Variants in SLC26A8 observed in about 807,000 individuals in gnomAD.
The protein encoded by SLC26A8 is solute carrier family 26 member 8, also known as testis anion transporter 1.
SLC26A8 carries 70 observed loss-of-function variants against 105.0 expected under a neutral mutation model. The observed-to-expected ratio is 0.67, with a 90% CI of 0.55 to 0.81. SLC26A8 has a LOEUF of 0.81. SLC26A8 is among the 40% of genes least tolerant of loss of function. SLC26A8 has a pLI of 0.00. For synonymous variants in SLC26A8, 415 were observed against 438.3 expected, an observed-to-expected ratio of 0.95 and a Z score of 0.66; for missense variants, 998 against 1,181.8, an observed-to-expected ratio of 0.84 and a Z score of 2.28.
intron 10 of SLC26A8, among the ~76,000 whole-genome samples, chr6:35,970,345 T>C (rs1452841360): frequency 6.6e-6 from 1 of 152,228 alleles, no homozygotes; most frequent in African/African-American, 2.4e-5. Context: ...TCCTGCTTCT[T>C]TCTTTCCCCA....
chr6:35,957,178 C>T (rs1772105014), intron 16 of SLC26A8, among the ~76,000 whole-genome samples: 1 of 151,976 alleles, frequency 6.6e-6, no homozygotes, highest in South Asian at 2.1e-4. Context: ...GCCAAGGTCG[C>T]ACCATCCCAC....
chr6:35,992,513 G>C lies in SLC26A8; in HGVS notation c.789C>G (p.Phe263Leu). ...ISFHAGPISF[F>L]YDIINYCVAL... is the part of the protein sequence containing the mutation. The stretch of plus-strand genomic sequence containing the variant: ...GGTAAGAGTTGAAATTACTCACATA[G>C]AAGAAGGAGATGGGACCGGCATGGA... Residue 263 changes from phenylalanine (F) to leucine (L), a missense_variant, in exon 6 of 20, where the codon TTC (phenylalanine) becomes TTG (leucine). Physicochemically the swap from Phe to Leu is conservative, Grantham distance 22 (BLOSUM62 0). Coordinates refer to ENST00000490799, the MANE Select transcript of SLC26A8 (RefSeq NM_052961.4). The C allele has an allele frequency of 6.2e-7, 1 of 1,610,900 alleles. No individual in the cohort carries two copies. The highest frequency in any genetic ancestry group is 8.5e-7 in the Non-Finnish European group (1 of 1,178,768).
intron 7 of SLC26A8, among the ~76,000 whole-genome samples, chr6:35,988,070 C>T (rs1773599812): frequency 6.6e-6 from 1 of 151,910 alleles, no homozygotes; most frequent in Non-Finnish European, 1.5e-5. Context: ...GCCACCATGC[C>T]CGGCTAATTT....
intron 2 of SLC26A8, among the ~76,000 whole-genome samples, chr6:36,012,819 G>A (rs1285932041): frequency 6.6e-6 from 1 of 152,220 alleles, no homozygotes; most frequent in Non-Finnish European, 1.5e-5. Context: ...ATGGACTGCT[G>A]TTGTTTTCTT....
At chr6:36,019,775 T>G in intron 1 of SLC26A8, 66 bp from the exon 2 acceptor site, 1 of 1,398,460 alleles carries the variant, frequency 7.2e-7, no homozygotes, top group Non-Finnish European at 9.5e-7. Context: ...GGCATATTTT[T>G]AAGGAAATAA....
intron 5 of SLC26A8, among the ~76,000 whole-genome samples, chr6:35,993,480 T>A (rs1472233249): frequency 6.6e-6 from 1 of 152,074 alleles, no homozygotes; most frequent in Non-Finnish European, 1.5e-5. Context: ...AATAATTAAA[T>A]TGAATTTATT....
chr6:36,009,079 G>A (rs567903186), intron 3 of SLC26A8, among the ~76,000 whole-genome samples: 14 of 152,070 alleles, frequency 9.2e-5, no homozygotes, highest in Non-Finnish European at 1.5e-4. Flanking sequence ...GAGGCCAGGC[G>A]CTGTGGCTCT....
In SLC26A8 at chr6:35,968,607, GTGTATATATATATATATATATATA is replaced by G. The variant is rs1432702528; in HGVS notation, c.1365+246_1365+269del. Among the ~76,000 whole-genome samples the G allele has an allele frequency of 2.0e-3, 92 of 47,040 alleles. 1 individual carries two copies. Among genetic ancestry groups the G allele is most frequent in the South Asian group, 2.1e-3 (3 of 1,422 alleles). 30.9% of individuals were successfully genotyped at this position (47,040 alleles called of 152,430 possible). On this transcript the variant is annotated intron_variant, in intron 11 of 19. Transcript: ENST00000490799. ...TGTGTGTATGTGTGTGTGTGTGTGT[GTGTATATATATATATATATATATA>G]TATATATATATATATATATATATCT...
At chr6:35,960,665 A>C in intron 14 of SLC26A8, 178 bp downstream of exon 14, 1 of 628,040 alleles carries the variant, frequency 1.6e-6, no homozygotes, top group Admixed American at 3.1e-5. Context: ...TCTGTCTCCA[A>C]AAAAAAAAAT....
intron 1 of SLC26A8, 99 bp from the exon 2 acceptor site, chr6:36,019,808 A>G: frequency 9.2e-7 from 1 of 1,085,540 alleles, no homozygotes; most frequent in Non-Finnish European, 1.3e-6. Flanking sequence ...ATAATGTTTT[A>G]CACTTGCATA....
rs1771869592 is a variant in SLC26A8, at chr6:35,951,452, C to T, written c.2280G>A (p.Gly760=). The T allele has an allele frequency of 6.2e-7, 1 of 1,614,094 alleles. No homozygotes were observed. Among genetic ancestry groups the T allele is most frequent in the Non-Finnish European group, 8.5e-7 (1 of 1,180,014 alleles). ...QNANILILIA[G]CHSSIVRAFE... Reference sequence around the variant, plus strand: ...AGGGTGAAGGATACTCACAGTGACACCCTGCAATGAGTATCAAAATGTTGG... The same window carrying T: ...AGGGTGAAGGATACTCACAGTGACATCCTGCAATGAGTATCAAAATGTTGG... Residue 760 remains glycine, a synonymous_variant, in exon 18 of 20, where the codon GGG becomes GGA. Coordinates refer to ENST00000490799, the MANE Select transcript of SLC26A8 (RefSeq NM_052961.4).
rs557148794 is a variant in SLC26A8 at position 35,998,504 on chromosome 6, G to A, written c.446-585C>T. On this transcript the variant is annotated intron_variant, in intron 4 of 19. Transcript: ENST00000490799. ...CAGGAGGCAGAGGTTGCAGTGAGTC[G>A]AGATGGCACGATTGCACTCCAGCCT... Among the ~76,000 whole-genome samples, 5 of 150,814 alleles carry A rather than the reference G, an allele frequency of 3.3e-5. No homozygotes were observed. In the East Asian group the frequency reaches 5.9e-4, roughly 18 times the overall value.
In SLC26A8 at chr6:35,997,833, C is replaced by T. The variant is rs757546070; in HGVS notation, c.532G>A (p.Val178Ile). 33 of 1,614,002 alleles carry T rather than the reference C, an allele frequency of 2.0e-5. No individual in the cohort carries two copies. The highest frequency in any genetic ancestry group is 8.3e-5 in the Admixed American group (5 of 59,996). ...GAGGGGGCCGAAAACTCATTCTTGACGAAAGATCCCATGACCAGTTGACCG... is the reference window on the plus strand; with the variant it reads ...GAGGGGGCCGAAAACTCATTCTTGATGAAAGATCCCATGACCAGTTGACCG... ...NNGQLVMGSF[V>I]KNEFSAPSYL... The change falls in exon 5 of 20, where the codon GTC becomes ATC. Residue 178 changes from valine to isoleucine, a missense_variant. Val to Ile is a conservative substitution (Grantham distance 29). Coordinates refer to ENST00000490799, the MANE Select transcript of SLC26A8 (RefSeq NM_052961.4).
intron 12 of SLC26A8, among the ~76,000 whole-genome samples, chr6:35,962,225 CAA>C (rs35900014): frequency 0.053 from 6,138 of 116,466 alleles, 378 homozygotes; most frequent in African/African-American, 0.15. Context: ...GACTCCGTCT[CAA>C]AAAAAAAAAA....
intron 3 of SLC26A8, among the ~76,000 whole-genome samples, chr6:36,000,805 G>A (rs959219609): frequency 2.4e-4 from 36 of 152,036 alleles, no homozygotes; most frequent in African/African-American, 8.2e-4. Flanking sequence ...GATAAGCAAG[G>A]CTCCTTTTTA....
At chr6:35,950,053 T>C (rs1369582574) in intron 19 of SLC26A8, among the ~76,000 whole-genome samples, 2 of 152,184 alleles carry the variant, frequency 1.3e-5, no homozygotes, top group African/African-American at 2.4e-5. Flanking sequence ...TGCCTTGGCC[T>C]CCCAAAGTGC....
chr6:35,956,290 A>G (rs1476603435), intron 16 of SLC26A8, among the ~76,000 whole-genome samples: 1 of 151,458 alleles, frequency 6.6e-6, no homozygotes, highest in East Asian at 1.9e-4. Flanking sequence ...CCCCAAAAAA[A>G]GCTGGCACAC....
rs1402291129 is a variant in SLC26A8, at chr6:35,968,605, G to GAATATA, written c.1365+271_1365+272insTATATT. 9.6e-3 allele frequency among the ~76,000 whole-genome samples: 516 copies of GAATATA among 53,764 alleles called. 30 individuals are homozygous for GAATATA. The highest frequency in any genetic ancestry group is 0.014 in the East Asian group (33 of 2,308). The allele number at this position is 53,764 out of a possible 152,430, so 35.3% of individuals were successfully genotyped here. The stretch of plus-strand genomic sequence containing the variant: ...TATGTGTGTATGTGTGTGTGTGTGT[G>GAATATA]TGTGTATATATATATATATATATAT... On this transcript the variant is annotated intron_variant, in intron 11 of 19. Coordinates refer to ENST00000490799, the MANE Select transcript of SLC26A8 (RefSeq NM_052961.4).
rs1772966954 is a variant in SLC26A8, at chr6:35,975,407, T to G, written c.1255A>C (p.Ile419Leu). 8.7e-6 allele frequency: 14 copies of G among 1,612,766 alleles called. No homozygotes were observed. Among genetic ancestry groups the G allele is most frequent in the Non-Finnish European group, 1.2e-5 (14 of 1,179,108 alleles). ...CVFTGAIARTIIQDKSGGRQQ... is the reference protein window; with the variant it reads ...CVFTGAIARTLIQDKSGGRQQ... ...CTTCCTCCAGATTTATCCTGGATAA[T>G]AGTCCTAGCAATAGCACCAGTAAAC... Residue 419 changes from isoleucine to leucine, a missense_variant, in exon 10 of 20, where the codon ATT (isoleucine) becomes CTT (leucine). Ile to Leu is a conservative substitution (Grantham distance 5, BLOSUM62 2). Coordinates refer to ENST00000490799, the MANE Select transcript of SLC26A8 (RefSeq NM_052961.4).
Sources: allele counts gnomAD v4.1 joint callset (sites outside exome capture counted in the v4.1 genomes callset), GRCh38; gene constraint gnomAD v4.1.1; transcripts MANE v1.5; gene names NCBI Gene and HGNC (gene_info 2026-07-23, HGNC 2026-07-21).